Variants in AUTS2 observed in about 807,000 individuals in gnomAD.
The protein encoded by AUTS2 is activator of transcription and developmental regulator AUTS2.
Under a neutral mutation model 112.4 loss-of-function variants are expected in AUTS2, and 17 were observed. That is an observed-to-expected ratio of 0.15 (90% confidence interval 0.10 to 0.23). The LOEUF is 0.23. Ranked by LOEUF, AUTS2 falls within the 10% of genes least tolerant of loss-of-function variation. AUTS2 has a pLI of 1.00. For synonymous variants in AUTS2, 751 were observed against 702.7 expected (o/e 1.07, Z -1.09); for missense variants, 1,510 against 1,701.6 (o/e 0.89, Z 1.98).
chr7:69,778,227 C>CATATATAT (rs1411002679), intron 1 of AUTS2, among the ~76,000 whole-genome samples: 1 of 139,036 alleles, frequency 7.2e-6, no homozygotes, highest in Non-Finnish European at 1.5e-5. Flanking sequence ...GCCTTATCCC[C>CATATATAT]ATATATATAT....
At chr7:69,711,990 CTCAT>C (rs1798348810) in intron 1 of AUTS2, among the ~76,000 whole-genome samples, 1 of 152,112 alleles carries the variant, frequency 6.6e-6, no homozygotes. Context: ...ATCAGCCTTA[CTCAT>C]AGGTCAAATT....
chr7:69,937,496 T>G (rs1320202644), intron 2 of AUTS2, among the ~76,000 whole-genome samples: 3 of 152,234 alleles, frequency 2.0e-5, no homozygotes, highest in Middle Eastern at 6.8e-3. Context: ...TGAATGTAGA[T>G]GCTTGAAACT....
At chr7:69,611,754 C>A (rs559670457) in intron 1 of AUTS2, among the ~76,000 whole-genome samples, 223 of 151,102 alleles carry the variant, frequency 1.5e-3, no homozygotes, top group Middle Eastern at 6.8e-3. Context: ...CAAGGTGAAA[C>A]CCCGTCTCTA....
intron 1 of AUTS2, among the ~76,000 whole-genome samples, chr7:69,688,533 G>A (rs1482651662): frequency 6.6e-6 from 1 of 151,984 alleles, no homozygotes; most frequent in Non-Finnish European, 1.5e-5. Context: ...ATATTTATGG[G>A]GTACATAGTG....
At chr7:69,848,141 A>G (rs1358422429) in intron 1 of AUTS2, among the ~76,000 whole-genome samples, 2 of 152,182 alleles carry the variant, frequency 1.3e-5, no homozygotes, top group African/African-American at 2.4e-5. Context: ...TCATACCCTC[A>G]TAGGAATAGG....
At chr7:69,978,904 A>G (rs867476454) in intron 2 of AUTS2, among the ~76,000 whole-genome samples, 3 of 149,840 alleles carry the variant, frequency 2.0e-5, no homozygotes, top group East Asian at 2.0e-4. Context: ...ACACACACGC[A>G]CACACGCACA....
chr7:69,678,857 G>A (rs1796681193), intron 1 of AUTS2, among the ~76,000 whole-genome samples: 1 of 152,186 alleles, frequency 6.6e-6, no homozygotes, highest in Admixed American at 6.5e-5. Context: ...TTCAGACAGG[G>A]ACATGGCTTA....
intron 4 of AUTS2, among the ~76,000 whole-genome samples, chr7:70,175,366 A>T (rs1808930862): frequency 1.3e-5 from 2 of 152,260 alleles, no homozygotes; most frequent in Non-Finnish European, 1.5e-5. Flanking sequence ...ACTCCTGGTG[A>T]AGATGCTGTG....
At chr7:69,646,031 G>A (rs374897937) in intron 1 of AUTS2, among the ~76,000 whole-genome samples, 11 of 151,590 alleles carry the variant, frequency 7.3e-5, no homozygotes, top group South Asian at 2.1e-4. Flanking sequence ...ATGCTGGAAG[G>A]AAGAAGGAGG....
chr7:70,062,907 T>TC (rs1401633042), intron 2 of AUTS2, among the ~76,000 whole-genome samples: 1 of 152,220 alleles, frequency 6.6e-6, no homozygotes, highest in Non-Finnish European at 1.5e-5. Context: ...TTATCTTCTT[T>TC]CCCTGAGGGC....
intron 12 of AUTS2, chr7:70,774,408 T>C (rs1358532370): frequency 3.0e-6 from 1 of 332,748 alleles, no homozygotes; most frequent in Non-Finnish European, 5.5e-6. Context: ...TCTGTCTGTA[T>C]CTCCTTAAAT....
At chr7:70,604,765 G>T (rs946267253) in intron 5 of AUTS2, among the ~76,000 whole-genome samples, 4 of 152,194 alleles carry the variant, frequency 2.6e-5, no homozygotes, top group African/African-American at 9.7e-5. Context: ...TACACTGGAG[G>T]CCACAGCTCT....
At chr7:70,012,334 T>C (rs1332816181) in intron 2 of AUTS2, among the ~76,000 whole-genome samples, 2 of 152,214 alleles carry the variant, frequency 1.3e-5, no homozygotes, top group African/African-American at 2.4e-5. Flanking sequence ...TTCATATTTT[T>C]AGCTCTCTGT....
At chr7:70,278,236 G>A (rs1326843085) in intron 4 of AUTS2, among the ~76,000 whole-genome samples, 1 of 152,136 alleles carries the variant, frequency 6.6e-6, no homozygotes, top group African/African-American at 2.4e-5. Context: ...CAGTGTGAAT[G>A]TTTGTACATA....
chr7:70,073,728 T>C (rs1802896848), intron 2 of AUTS2, among the ~76,000 whole-genome samples: 1 of 152,270 alleles, frequency 6.6e-6, no homozygotes, highest in South Asian at 2.1e-4. Context: ...ATAAAAAATA[T>C]GAGTTGTGTA....
At chr7:70,028,985 G>T (rs1330581979) in intron 2 of AUTS2, among the ~76,000 whole-genome samples, 1 of 152,076 alleles carries the variant, frequency 6.6e-6, no homozygotes, top group East Asian at 1.9e-4. Context: ...ACTCCTCAAA[G>T]GCTCCCTCTC....
chr7:70,364,332 G>T (rs991983124), intron 4 of AUTS2, among the ~76,000 whole-genome samples: 1 of 152,042 alleles, frequency 6.6e-6, no homozygotes, highest in Non-Finnish European at 1.5e-5. Flanking sequence ...GGGAGGCCAA[G>T]ATGGGCAGAT....
At chr7:70,010,811 A>G (rs1799768816) in intron 2 of AUTS2, among the ~76,000 whole-genome samples, 1 of 152,214 alleles carries the variant, frequency 6.6e-6, no homozygotes, top group Non-Finnish European at 1.5e-5. Flanking sequence ...GGATCTATCC[A>G]TTCTACAGTG....
At chr7:69,764,242 G>GT (rs1452158349) in intron 1 of AUTS2, among the ~76,000 whole-genome samples, 1 of 152,180 alleles carries the variant, frequency 6.6e-6, no homozygotes, top group Non-Finnish European at 1.5e-5. Context: ...GTAATTTCCT[G>GT]AAGTGCCATG....
Sources: gnomAD v4.1 joint callset for allele counts (sites outside exome capture counted in the v4.1 genomes callset) on GRCh38, gnomAD v4.1.1 for gene constraint, MANE v1.5 for transcripts, NCBI Gene and HGNC (gene_info 2026-07-23, HGNC 2026-07-21) for gene names.